Variants in FAM3A observed in about 807,000 individuals in gnomAD.
The protein encoded by FAM3A is protein FAM3A.
Under a neutral mutation model 18.1 loss-of-function variants are expected in FAM3A, and 5 were observed. The ratio of observed to expected loss-of-function variants is 0.28; its 90% CI spans 0.14 to 0.58. The LOEUF is 0.58. FAM3A is among the 20% of genes least tolerant of loss of function. The probability of loss-of-function intolerance (pLI) is 0.91; values close to 1 mark genes in which losing one functional copy is unlikely to be tolerated. For synonymous variants in FAM3A, 108 were observed against 90.2 expected (o/e 1.20, Z -1.12); for missense variants, 154 against 216.6 (o/e 0.71, Z 1.81).
intron 1 of FAM3A, among the ~76,000 whole-genome samples, chrX:154,514,728 T>C (rs1377257470): frequency 3.6e-5 from 4 of 110,883 alleles, no homozygotes; most frequent in Non-Finnish European, 7.6e-5. Flanking sequence ...TTTGTATTTT[T>C]AGTAGAGACG....
intron 3 of FAM3A, chrX:154,511,462 G>A: frequency 6.3e-6 from 1 of 159,428 alleles, no homozygotes; most frequent in Non-Finnish European, 1.2e-5. Flanking sequence ...CCGAAGGTGG[G>A]GCTGTCTCGT....
intron 5 of FAM3A, 72 bp downstream of exon 5, chrX:154,508,216 CA>C: frequency 1.2e-6 from 1 of 835,246 alleles, no homozygotes. Flanking sequence ...GAAGGGAGGG[CA>C]AACACCCAGA....
chrX:154,515,883 G>A lies in FAM3A; in HGVS notation c.-111C>T. ...GGCAAGCCTGTGCGGGACCCCTGCT[G>A]GGGGCGGGCGCGATCGGTGCTACGA... On this transcript the variant is annotated 5_prime_UTR_variant, in exon 1 of 9. Coordinates refer to ENST00000447601, the MANE Select transcript of FAM3A (RefSeq NM_021806.4). The A allele has an allele frequency of 1.2e-6, 1 of 825,308 alleles. No homozygotes were observed. The highest frequency in any genetic ancestry group is 3.2e-5 in the East Asian group (1 of 30,924). The allele number at this position is 825,308 out of a possible 1,213,427, so 68.0% of individuals were successfully genotyped here. A position where few individuals can be genotyped will look rare whatever the true frequency, so the allele number is the denominator to read the frequency against.
At chrX:154,507,773 G>T (rs1557219879) in intron 6 of FAM3A, 38 bp downstream of exon 6, 5 of 1,145,361 alleles carry the variant, frequency 4.4e-6, no homozygotes, top group Non-Finnish European at 4.7e-6. Flanking sequence ...AGGTCATTTT[G>T]CTGCAGTCAA....
chrX:154,508,990 T>G (rs2069723491), intron 3 of FAM3A: 2 of 252,675 alleles, frequency 7.9e-6, no homozygotes, highest in Non-Finnish European at 1.5e-5. Context: ...CCGATTTTGA[T>G]GGGGGTTGGT....
rs782097736 is a variant in FAM3A, at chrX:154,508,355, G to T, written c.276-8C>A. On this transcript the variant is annotated splice_polypyrimidine_tract_variant and splice_region_variant and intron_variant, in intron 4 of 8. Coordinates refer to ENST00000447601, the MANE Select transcript of FAM3A (RefSeq NM_021806.4). Reference sequence around the variant, plus strand: ...TTGACGCTGCTCATCAGCCTAGTTGGGGGGGGGTGGGGGGGACGGGGAGAT... The same window carrying T: ...TTGACGCTGCTCATCAGCCTAGTTGTGGGGGGGTGGGGGGGACGGGGAGAT... 9 of 611,512 alleles carry T rather than the reference G, an allele frequency of 1.5e-5. No homozygotes were observed. The highest frequency in any genetic ancestry group is 5.5e-5 in the East Asian group (1 of 18,112). The allele number at this position is 611,512 out of a possible 1,213,427, so 50.4% of individuals were successfully genotyped here. A position where few individuals can be genotyped will look rare whatever the true frequency, so the allele number is the denominator to read the frequency against.
chrX:154,512,263 TAATAAG>T (rs1474549620), intron 2 of FAM3A: 572 of 158,207 alleles, frequency 3.6e-3, no homozygotes, highest in African/African-American at 0.026. Flanking sequence ...ATAATAATAA[TAATAAG>T]AAGAAGAAGA....
intron 5 of FAM3A, 46 bp from the exon 6 acceptor site, chrX:154,507,907 CAG>C (rs2069646010): frequency 1.8e-6 from 2 of 1,112,653 alleles, no homozygotes; most frequent in African/African-American, 3.6e-5. Context: ...AGGCCAGCCT[CAG>C]GGCACGGCAG....
chrX:154,509,004 G>A, intron 3 of FAM3A: 1 of 272,740 alleles, frequency 3.7e-6, no homozygotes, highest in Non-Finnish European at 7.0e-6. Context: ...GGTTGGTTGG[G>A]AGGACTGGAG....
Position 154,506,267 on chromosome X carries a change from C to T in FAM3A, c.*544G>A, listed in dbSNP as rs782738827. The stretch of plus-strand genomic sequence containing the variant: ...TCGGGCTCCAGCTACTTCACCACCC[C>T]GGGCCAGCCTGCTCCAGGGGTCCCT... On this transcript the variant is annotated 3_prime_UTR_variant, in exon 9 of 9. Transcript: ENST00000447601. The T allele has an allele frequency of 1.3e-4, 15 of 115,954 alleles. No homozygotes were observed. The highest frequency in any genetic ancestry group is 2.4e-4 in the Non-Finnish European group (13 of 55,319). The allele number at this position is 115,954 out of a possible 1,213,427, so 9.6% of individuals were successfully genotyped here.
Position 154,506,557 on chromosome X carries a change from G to A in FAM3A, c.*254C>T, listed in dbSNP as rs974568812. 7 of 391,419 alleles carry A rather than the reference G, an allele frequency of 1.8e-5. No homozygotes were observed. In the East Asian group the frequency reaches 2.6e-4, roughly 14 times the overall value. The allele number at this position is 391,419 out of a possible 1,213,427, so 32.3% of individuals were successfully genotyped here. On this transcript the variant is annotated 3_prime_UTR_variant, in exon 9 of 9. Coordinates refer to ENST00000447601, the MANE Select transcript of FAM3A (RefSeq NM_021806.4). ...ACAGGGCTAGATGGGCTGACCGGGGGGAACAGTGTTACGAAAAGGAGGCGG... is the reference window on the plus strand; with the variant it reads ...ACAGGGCTAGATGGGCTGACCGGGGAGAACAGTGTTACGAAAAGGAGGCGG...
At chrX:154,510,109 G>A (rs2148299606) in intron 3 of FAM3A, 1 of 112,593 alleles carries the variant, frequency 8.9e-6, no homozygotes, top group East Asian at 2.8e-4. Context: ...ATTCACGCAT[G>A]TGATCCCAGC....
rs944016564 is a variant in FAM3A, at chrX:154,506,751, G to C, written c.*60C>G. ...TGTGAGCCTCAGCCTCTGTCCGCCC[G>C]GCAGCGCGCGTGCCTCCCTTGGTCT... On this transcript the variant is annotated 3_prime_UTR_variant, in exon 9 of 9. Transcript: ENST00000447601. 1 of 994,281 alleles carries C rather than the reference G, an allele frequency of 1.0e-6. No homozygotes were observed. The highest frequency in any genetic ancestry group is 2.2e-5 in the Admixed American group (1 of 44,511). 81.9% of individuals were successfully genotyped at this position (994,281 alleles called of 1,213,427 possible).
intron 2 of FAM3A, 61 bp downstream of exon 2, chrX:154,512,762 C>T (rs2069962495): frequency 7.0e-6 from 6 of 858,640 alleles, no homozygotes; most frequent in Non-Finnish European, 1.0e-5. Context: ...GCCTCAACCA[C>T]AGGCCCAGGT....
At position 154,507,874 on chromosome X, in the gene FAM3A, G is replaced by A. The variant is rs1557220036; in HGVS notation, c.335-13C>T. ...TCGCCGCTGACCCCTGTGTCAGGAG[G>A]GAGGGGCCCTGCTGGGTAAGCCAGG... On this transcript the variant is annotated splice_polypyrimidine_tract_variant and intron_variant, in intron 5 of 8. Transcript: ENST00000447601. 7 of 1,188,280 alleles carry A rather than the reference G, an allele frequency of 5.9e-6. No homozygotes were observed. The highest frequency in any genetic ancestry group is 6.8e-6 in the Non-Finnish European group (6 of 883,096).
At chrX:154,511,947 C>T in intron 2 of FAM3A, 76 bp from the exon 3 acceptor site, 1 of 984,220 alleles carries the variant, frequency 1.0e-6, no homozygotes. Context: ...CCTCCTTACA[C>T]CGCGAAGTGT....
In FAM3A at chrX:154,508,557, C is replaced by T. The variant is rs782792487; in HGVS notation, c.192G>A (p.Pro64=). 9 of 1,199,571 alleles carry T rather than the reference C, an allele frequency of 7.5e-6. No individual in the cohort carries two copies. The highest frequency in any genetic ancestry group is 3.0e-5 in the East Asian group (1 of 33,420). Residue 64 remains proline, a synonymous_variant, in exon 4 of 9, where the codon CCG becomes CCA. Transcript: ENST00000447601. ...GGAAGGCCAGGTGCTCCTCAGGACA[C>T]GGCTGGGGCAGGCCACACTTGTACT... is the stretch of plus-strand genomic sequence containing the variant. ...ARKYKCGLPQ[P]CPEEHLAFRV...
intron 6 of FAM3A, 132 bp downstream of exon 6, chrX:154,507,679 G>T: frequency 1.2e-6 from 1 of 836,077 alleles, no homozygotes; most frequent in Non-Finnish European, 1.7e-6. Context: ...AGCTGGCGAT[G>T]CCCCTGTCCT....
chrX:154,510,454 A>C, intron 3 of FAM3A: 1 of 98,373 alleles, frequency 1.0e-5, no homozygotes, highest in Non-Finnish European at 2.0e-5. Context: ...TGAGCCCAGG[A>C]GTTTGAGCTT....
Sources: allele counts gnomAD v4.1 joint callset (sites outside exome capture counted in the v4.1 genomes callset), GRCh38; gene constraint gnomAD v4.1.1; transcripts MANE v1.5; gene names NCBI Gene and HGNC (gene_info 2026-07-23, HGNC 2026-07-21).